RTL4: variants seen among roughly 807,000 people sequenced by gnomAD.
The protein encoded by RTL4 is retrotransposon Gag-like protein 4.
A neutral mutation model predicts 5.3 loss-of-function variants in RTL4; 4 were observed. That is an observed-to-expected ratio of 0.75 (90% CI 0.37 to 1.72). The LOEUF is 1.72. RTL4 is among the 40% of genes most tolerant of loss of function. The probability of loss-of-function intolerance (pLI) is 0.04; values close to 1 mark genes in which losing one functional copy is unlikely to be tolerated. For missense variants in RTL4, 260 were observed against 227.1 expected (o/e 1.14, Z -0.93); for synonymous variants, 98 against 87.3 (o/e 1.12, Z -0.68).
the RTL4 span, among the ~76,000 whole-genome samples, chrX:112,258,544 C>A: frequency 9.0e-6 from 1 of 111,393 alleles, no homozygotes; most frequent in South Asian, 3.7e-4. Flanking sequence ...TGTCTGTGAA[C>A]CGTATGTCCA....
the RTL4 span, among the ~76,000 whole-genome samples, chrX:112,339,837 T>G: frequency 8.9e-6 from 1 of 112,771 alleles, no homozygotes; most frequent in African/African-American, 3.2e-5. Flanking sequence ...AGTGAACATT[T>G]TAGGCTTTGT....
At chrX:112,163,255 T>C in the RTL4 span, among the ~76,000 whole-genome samples, 4 of 112,228 alleles carry the variant, frequency 3.6e-5, no homozygotes, top group Middle Eastern at 4.6e-3. Context: ...TTTGTGACTT[T>C]GGCAAATTAT....
chrX:112,250,842 G>A, the RTL4 span, among the ~76,000 whole-genome samples: 2 of 111,945 alleles, frequency 1.8e-5, no homozygotes, highest in South Asian at 7.4e-4. Context: ...CATACATTAG[G>A]CAACAATTCT....
At chrX:112,167,949 A>G in the RTL4 span, among the ~76,000 whole-genome samples, 1 of 110,479 alleles carries the variant, frequency 9.1e-6, no homozygotes, top group Non-Finnish European at 1.9e-5. Flanking sequence ...CTATCTTTGT[A>G]TTTATTTCTT....
chrX:112,415,548 T>A, the RTL4 span, among the ~76,000 whole-genome samples: 3 of 111,380 alleles, frequency 2.7e-5, no homozygotes, highest in Non-Finnish European at 5.7e-5. Flanking sequence ...TACTTAGAAG[T>A]TGTTGTATAC....
chrX:112,431,596 G>A, the RTL4 span, among the ~76,000 whole-genome samples: 3 of 111,715 alleles, frequency 2.7e-5, no homozygotes, highest in African/African-American at 6.5e-5. Flanking sequence ...CCATCTGCCT[G>A]TCTGTCTCTC....
At chrX:112,164,981 T>C in the RTL4 span, among the ~76,000 whole-genome samples, 1 of 112,109 alleles carries the variant, frequency 8.9e-6, no homozygotes, top group Non-Finnish European at 1.9e-5. Flanking sequence ...CCCTGCTAAT[T>C]AGCAGGCCGC....
the RTL4 span, among the ~76,000 whole-genome samples, chrX:112,193,635 G>A: frequency 6.3e-5 from 7 of 110,988 alleles, no homozygotes; most frequent in Non-Finnish European, 9.4e-5. Context: ...TTTGACCATT[G>A]TTTCTGCAAA....
At chrX:112,324,170 T>C in the RTL4 span, among the ~76,000 whole-genome samples, 1 of 112,444 alleles carries the variant, frequency 8.9e-6, no homozygotes, top group South Asian at 3.7e-4. Flanking sequence ...GTCATATAAA[T>C]AGAATCATAC....
chrX:112,254,324 ACTT>A, the RTL4 span, among the ~76,000 whole-genome samples: 3 of 102,111 alleles, frequency 2.9e-5, no homozygotes, highest in Non-Finnish European at 6.0e-5. Context: ...TTCCTTCTAA[ACTT>A]CTTTTTAATT....
At chrX:112,231,648 G>C in the RTL4 span, among the ~76,000 whole-genome samples, 2 of 108,610 alleles carry the variant, frequency 1.8e-5, no homozygotes, top group African/African-American at 6.7e-5. Flanking sequence ...GTGCAGCACA[G>C]CAACATGGCA....
the RTL4 span, among the ~76,000 whole-genome samples, chrX:112,267,644 G>C: frequency 9.0e-6 from 1 of 111,401 alleles, no homozygotes; most frequent in Non-Finnish European, 1.9e-5. Context: ...CTAGTTTGCA[G>C]ACTCATACTT....
At chrX:112,452,964 G>A (rs754727301), upstream of RTL4, among the ~76,000 whole-genome samples, 22 of 109,599 alleles carry the variant, frequency 2.0e-4, no homozygotes, top group African/African-American at 3.0e-4. Flanking sequence ...CCCGGCAGGC[G>A]GAGGTTGCAG....
the RTL4 span, among the ~76,000 whole-genome samples, chrX:112,259,433 T>C: frequency 9.0e-6 from 1 of 111,080 alleles, no homozygotes. Context: ...CTGGTGATGA[T>C]AATAATCGTT....
the RTL4 span, among the ~76,000 whole-genome samples, chrX:112,192,207 GAC>G: frequency 9.3e-6 from 1 of 107,150 alleles, no homozygotes; most frequent in African/African-American, 3.4e-5. Flanking sequence ...TCTTTAAGTA[GAC>G]AGAGTTTTAC....
chrX:112,341,974 T>C, the RTL4 span, among the ~76,000 whole-genome samples: 2 of 111,540 alleles, frequency 1.8e-5, no homozygotes, highest in Non-Finnish European at 3.8e-5. Context: ...ATAACTTTAA[T>C]GTACTGCTTC....
the RTL4 span, among the ~76,000 whole-genome samples, chrX:112,201,714 T>A: frequency 1.8e-5 from 2 of 111,152 alleles, no homozygotes; most frequent in Non-Finnish European, 3.8e-5. Context: ...TGCATTTTTT[T>A]TAGAACTTGG....
At chrX:112,146,436 G>T in the RTL4 span, among the ~76,000 whole-genome samples, 2 of 111,441 alleles carry the variant, frequency 1.8e-5, no homozygotes, top group South Asian at 7.6e-4. Context: ...CGCAATTCTG[G>T]AGCCCAGGAA....
the RTL4 span, among the ~76,000 whole-genome samples, chrX:112,113,494 C>T: frequency 3.6e-5 from 4 of 111,290 alleles, no homozygotes; most frequent in African/African-American, 6.5e-5. Flanking sequence ...ACAGCTGTCC[C>T]GGACAGGAGA....
Sources: allele counts gnomAD v4.1 joint callset (sites outside exome capture counted in the v4.1 genomes callset), GRCh38; gene constraint gnomAD v4.1.1; transcripts MANE v1.5; gene names NCBI Gene and HGNC (gene_info 2026-07-23, HGNC 2026-07-21).